LRRC9: variants seen among roughly 807,000 people sequenced by gnomAD.
LRRC9 encodes leucine-rich repeat-containing protein 9.
A neutral mutation model predicts 63.2 loss-of-function variants in LRRC9; 122 were observed. That is an observed-to-expected ratio of 1.93 (90% CI 1.67 to 2.24). The LOEUF is 2.24. Among genes scored for constraint, LRRC9 ranks in the 30% most tolerant of loss-of-function variants. LRRC9 has a pLI of 0.00. For missense variants in LRRC9, 1,071 were observed against 627.7 expected (o/e 1.71, Z -7.55); for synonymous variants, 366 against 213.1 (o/e 1.72, Z -6.25).
At position 59,922,509 on chromosome 14, in the gene LRRC9, A is replaced by T. The variant is rs1873826896; in HGVS notation, c.-34+2626A>T. Reference sequence around the variant, plus strand: ...AATAAAGGAGACCGTTGACAAGGAAATTTGGCAATAAATGAAAGAGGAAAA... The same window carrying T: ...AATAAAGGAGACCGTTGACAAGGAATTTTGGCAATAAATGAAAGAGGAAAA... On this transcript the variant is annotated intron_variant, in intron 1 of 31. Transcript: ENST00000445360. This position sits in a 1 kb window ranked among gnomAD's most constrained non-coding sequence, Gnocchi z 5.3. 1.3e-5 allele frequency among the ~76,000 whole-genome samples: 2 copies of T among 152,204 alleles called. No individual in the cohort carries two copies. The highest frequency in any genetic ancestry group is 2.9e-5 in the Non-Finnish European group (2 of 68,028).
intron 17 of LRRC9, among the ~76,000 whole-genome samples, chr14:59,989,759 A>G (rs770178730): frequency 7.2e-5 from 11 of 152,114 alleles, no homozygotes; most frequent in Non-Finnish European, 1.2e-4. Flanking sequence ...TCATTTGTAA[A>G]TGAAATTAGT....
chr14:59,997,823 T>C lies in LRRC9; in HGVS notation c.2379T>C (p.Asp793=), dbSNP rs1224830132. Residue 793 remains aspartate, a synonymous_variant, in exon 18 of 32, where the codon GAT becomes GAC. Transcript: ENST00000445360. Reference sequence around the variant, plus strand: ...ACACCACAAGCCTTCTCACTCTTGATATTCAACATAATCCATGGCAAAAGG... The same window carrying C: ...ACACCACAAGCCTTCTCACTCTTGACATTCAACATAATCCATGGCAAAAGG... 3 of 699,952 alleles carry C rather than the reference T, an allele frequency of 4.3e-6. No homozygotes were observed. In the Admixed American group the frequency reaches 6.0e-5, roughly 14 times the overall value. The allele number at this position is 699,952 out of a possible 1,614,324, so 43.4% of individuals were successfully genotyped here.
chr14:60,008,921 T>C (rs1406008723), intron 23 of LRRC9, among the ~76,000 whole-genome samples: 1 of 152,202 alleles, frequency 6.6e-6, no homozygotes, highest in African/African-American at 2.4e-5. Flanking sequence ...GCCCTTCTGT[T>C]TTCTGGCCCA....
chr14:60,059,108 C>T (rs557164927), intron 31 of LRRC9: 3 of 152,208 alleles, frequency 2.0e-5, no homozygotes, highest in African/African-American at 7.2e-5. Flanking sequence ...ATACTAACTT[C>T]CTTCTCAGGT....
chr14:59,951,837 TGAG>T (rs1883166803), intron 8 of LRRC9, among the ~76,000 whole-genome samples: 1 of 152,160 alleles, frequency 6.6e-6, no homozygotes, highest in Non-Finnish European at 1.5e-5. Flanking sequence ...GGGACCCACT[TGAG>T]GAGGCAGTCT....
In LRRC9 at chr14:60,027,903, T is replaced by C. The variant is rs1891684783; in HGVS notation, c.3723T>C (p.Val1241=). Residue 1241 remains valine (V), a synonymous_variant, in exon 28 of 32, where the codon GTT becomes GTC. Transcript: ENST00000445360. The surrounding 1 kb of genome is among the most constrained non-coding windows in gnomAD (Gnocchi z 4.0). ...TTTTAGGTAATGAAATCAGCCAAGT[T>C]GAAGGGCTTGACAACTTAGTAGTCC... The C allele has an allele frequency of 1.4e-6, 1 of 700,254 alleles. No homozygotes were observed. The highest frequency in any genetic ancestry group is 2.6e-6 in the Non-Finnish European group (1 of 383,662). The allele number at this position is 700,254 out of a possible 1,614,324, so 43.4% of individuals were successfully genotyped here. A position where few individuals can be genotyped will look rare whatever the true frequency, so the allele number is the denominator to read the frequency against.
chr14:59,942,838 T>A lies in LRRC9; in HGVS notation c.727-1751T>A, dbSNP rs545804218. ...TAACTAGGTGAGATTATATTGTGAT[T>A]TTTATTTGCATTTCCATGATGGTTA... On this transcript the variant is annotated intron_variant, in intron 7 of 31. Transcript: ENST00000445360. The surrounding 1 kb of genome is among the most constrained non-coding windows in gnomAD (Gnocchi z 5.3). 4.4e-4 allele frequency among the ~76,000 whole-genome samples: 67 copies of A among 152,160 alleles called. No individual in the cohort carries two copies. Among genetic ancestry groups the A allele is most frequent in the Admixed American group, 1.1e-3 (17 of 15,280 alleles).
intron 27 of LRRC9, among the ~76,000 whole-genome samples, chr14:60,024,990 G>C (rs1030928177): frequency 1.3e-5 from 2 of 151,784 alleles, no homozygotes; most frequent in Non-Finnish European, 2.9e-5. Flanking sequence ...GTGGTAGAGG[G>C]CATGATTTCA....
At chr14:59,951,499 G>A (rs971675372) in intron 8 of LRRC9, among the ~76,000 whole-genome samples, 6 of 141,540 alleles carry the variant, frequency 4.2e-5, no homozygotes, top group Non-Finnish European at 4.6e-5. Flanking sequence ...CTCTCAGCTC[G>A]TCAAAATCAT....
chr14:60,015,319 T>A (rs942839399), intron 23 of LRRC9, among the ~76,000 whole-genome samples: 1 of 152,188 alleles, frequency 6.6e-6, no homozygotes, highest in African/African-American at 2.4e-5. Flanking sequence ...ACATTCAAGT[T>A]GAGATGTTCT....
intron 19 of LRRC9, 28 bp downstream of exon 19, chr14:59,999,254 G>T: frequency 1.4e-6 from 1 of 692,794 alleles, no homozygotes. Flanking sequence ...ACTATTCATT[G>T]TGCTATTTAG....
chr14:60,030,252 A>C (rs1566891250), intron 28 of LRRC9: 4 of 152,150 alleles, frequency 2.6e-5, no homozygotes, highest in African/African-American at 9.7e-5. Flanking sequence ...GACCTACTTT[A>C]ACATCCTTCA....
exon 16 of LRRC9, chr14:59,981,909 A>T (rs550368228): frequency 2.8e-6 from 2 of 702,506 alleles, no homozygotes; most frequent in Non-Finnish European, 5.2e-6. Flanking sequence ...AGCAAAAAAA[A>T]CCCAGAAGTA....
chr14:60,007,946 A>T, intron 22 of LRRC9, 146 bp from the exon 23 acceptor site: 1 of 372,856 alleles, frequency 2.7e-6, no homozygotes. Context: ...TCTTTAAAAA[A>T]AAAAAAAAAA....
rs1205177755 is a variant in LRRC9, at chr14:60,017,308, T to C, written c.3317+518T>C. Among the ~76,000 whole-genome samples, 2 of 152,164 alleles carry C rather than the reference T, an allele frequency of 1.3e-5. No homozygotes were observed. ...TTCAGAAATTCTGAAATATTCTAGT[T>C]ACTGAATCTCAATCATAAGATGTTC... is the stretch of plus-strand genomic sequence containing the variant. On this transcript the variant is annotated intron_variant, in intron 24 of 31. Transcript: ENST00000445360. This position sits in a 1 kb window ranked among gnomAD's most constrained non-coding sequence, Gnocchi z 4.0.
rs904036320 is a variant in LRRC9, at chr14:59,966,342, G to A, written c.1212-247G>A. On this transcript the variant is annotated intron_variant, in intron 10 of 31. Transcript: ENST00000445360. This position sits in a 1 kb window ranked among gnomAD's most constrained non-coding sequence, Gnocchi z 4.0. ...AAAGAGCAGCCAATAAGAGGAAGGC[G>A]TATGAAGTTTCCCTGAAGCTAAGAA... Among the ~76,000 whole-genome samples the A allele has an allele frequency of 2.0e-5, 3 of 152,136 alleles. No homozygotes were observed. Among genetic ancestry groups the A allele is most frequent in the African/African-American group, 4.8e-5 (2 of 41,412 alleles).
chr14:60,010,116 G>A (rs1474231320), intron 23 of LRRC9, among the ~76,000 whole-genome samples: 1 of 152,198 alleles, frequency 6.6e-6, no homozygotes, highest in African/African-American at 2.4e-5. Flanking sequence ...CCCCCTCACA[G>A]CTCCAATAGG....
At chr14:59,995,798 A>C (rs1168129295) in intron 17 of LRRC9, among the ~76,000 whole-genome samples, 1 of 151,930 alleles carries the variant, frequency 6.6e-6, no homozygotes, top group East Asian at 1.9e-4. Context: ...GCTGCAGTGC[A>C]GTGGCATGAT....
At position 59,988,556 on chromosome 14, in the gene LRRC9, C is replaced by T. The variant is rs146482950; in HGVS notation, c.2211+3332C>T. ...TCATTGTTTTATCTACTGTTGTACA[C>T]GCAACAGTGTCATAATGACAGTACT... On this transcript the variant is annotated intron_variant, in intron 17 of 31. Coordinates refer to ENST00000445360, the Ensembl canonical transcript of LRRC9. 1.7e-3 allele frequency among the ~76,000 whole-genome samples: 263 copies of T among 152,178 alleles called. 2 individuals carry two copies. The highest frequency in any genetic ancestry group is 0.014 in the Admixed American group (208 of 15,278).
Sources: allele counts gnomAD v4.1 joint callset (sites outside exome capture counted in the v4.1 genomes callset), GRCh38; gene constraint gnomAD v4.1.1; non-coding constraint Gnocchi (gnomAD v3.1); transcripts MANE v1.5; gene names NCBI Gene and HGNC (gene_info 2026-07-23, HGNC 2026-07-21).